CDON: variants seen among roughly 807,000 people sequenced by gnomAD.
The protein encoded by CDON is cell adhesion associated, oncogene regulated.
Under a neutral mutation model 120.9 loss-of-function variants are expected in CDON, and 73 were observed. The observed-to-expected ratio is 0.60, with a 90% confidence interval of 0.50 to 0.73. The LOEUF is 0.73. Ranked by LOEUF, CDON falls within the 30% of genes least tolerant of loss-of-function variation. The pLI, the probability that CDON is intolerant of heterozygous loss-of-function variation, is 0.00. For synonymous variants in CDON, 566 were observed against 573.5 expected, an observed-to-expected ratio of 0.99 and a Z score of 0.19; for missense variants, 1,470 against 1,587.3, an observed-to-expected ratio of 0.93 and a Z score of 1.26.
chr11:125,984,956 G>A (rs1222748534), intron 15 of CDON, among the ~76,000 whole-genome samples: 1 of 152,038 alleles, frequency 6.6e-6, no homozygotes, highest in African/African-American at 2.4e-5. Context: ...CCGGTTCATC[G>A]GTGTTCTGGG....
chr11:126,029,250 G>A (rs1435677092), intron 1 of CDON, among the ~76,000 whole-genome samples: 1 of 152,168 alleles, frequency 6.6e-6, no homozygotes, highest in African/African-American at 2.4e-5. Flanking sequence ...ACTGGAAAAA[G>A]AATGTAAGGC....
At chr11:126,049,573 T>C (rs1055526737) in intron 1 of CDON, among the ~76,000 whole-genome samples, 2 of 151,946 alleles carry the variant, frequency 1.3e-5, no homozygotes, top group Non-Finnish European at 2.9e-5. Context: ...ATTAAACAGT[T>C]AATAATTATT....
intron 4 of CDON, among the ~76,000 whole-genome samples, chr11:126,019,130 T>C (rs1258812720): frequency 6.6e-6 from 1 of 151,936 alleles, no homozygotes; most frequent in Non-Finnish European, 1.5e-5. Context: ...CACAAATACA[T>C]ATTAAGGGGC....
chr11:126,032,217 CT>C (rs1947962637), intron 1 of CDON, among the ~76,000 whole-genome samples: 3 of 152,088 alleles, frequency 2.0e-5, no homozygotes, highest in African/African-American at 7.2e-5. Context: ...CTCACTTAAC[CT>C]AGATTTGTAC....
At chr11:125,977,159 T>C (rs892299361) in intron 18 of CDON, among the ~76,000 whole-genome samples, 1 of 152,246 alleles carries the variant, frequency 6.6e-6, no homozygotes, top group Non-Finnish European at 1.5e-5. Context: ...TTCAATGTTA[T>C]GAACATTTGC....
At chr11:126,047,404 A>G (rs1685828443) in intron 1 of CDON, among the ~76,000 whole-genome samples, 1 of 152,202 alleles carries the variant, frequency 6.6e-6, no homozygotes, top group Non-Finnish European at 1.5e-5. Context: ...ACCCAAGCAC[A>G]TACAATCAAT....
In CDON at chr11:126,048,999, G is replaced by A. The variant is rs191517466; in HGVS notation, c.-62+13580C>T. Among the ~76,000 whole-genome samples, 615 of 152,244 alleles carry A rather than the reference G, an allele frequency of 4.0e-3. 5 individuals are homozygous for A. Among genetic ancestry groups the A allele is most frequent in the African/African-American group, 0.014 (594 of 41,544 alleles). ...ATTACAGGCGTGAGCCAACAGGCGT[G>A]AGCCAACAGGCGTGAGCCACCGCGC... On this transcript the variant is annotated intron_variant, in intron 1 of 19. Coordinates refer to ENST00000531738, the MANE Select transcript of CDON (RefSeq NM_001378964.1).
At chr11:126,015,540 A>T in intron 6 of CDON, 30 bp from the exon 7 acceptor site, 1 of 1,609,924 alleles carries the variant, frequency 6.2e-7, no homozygotes, top group Non-Finnish European at 8.5e-7. Context: ...ATTAAACTCT[A>T]GCCCTCAAAA....
Position 125,984,018 on chromosome 11 carries a change from C to A in CDON, c.2849G>T (p.Gly950Val). 1 of 1,614,074 alleles carries A rather than the reference C, an allele frequency of 6.2e-7. No homozygotes were observed. The highest frequency in any genetic ancestry group is 8.5e-7 in the Non-Finnish European group (1 of 1,179,982). ...STPPNSLGSG[G>V]NVGPATSPAR... is the part of the protein sequence containing the mutation. ...AGGGCTGGTTGCAGGCCCCACATTT[C>A]CTCCACTTCCCAAAGAATTTGGAGG... Residue 950 changes from glycine to valine, a missense_variant, in exon 16 of 20, where the codon GGA (glycine) becomes GTA (valine). By Grantham distance (109) the Gly-to-Val change is moderately radical. Transcript: ENST00000531738.
At chr11:125,973,387 C>T (rs1378731601) in intron 18 of CDON, among the ~76,000 whole-genome samples, 1 of 152,130 alleles carries the variant, frequency 6.6e-6, no homozygotes, top group Non-Finnish European at 1.5e-5. Context: ...AAAAAATTAG[C>T]CGGGCGTGGT....
chr11:126,043,402 T>A lies in CDON; in HGVS notation c.-62+19177A>T, dbSNP rs754903249. ...CACTCCCACACTGTGGAGTGTACTT[T>A]CGTTTTCAGTAAATCCCTACTTTCG... On this transcript the variant is annotated intron_variant, in intron 1 of 19. Coordinates refer to ENST00000531738, the MANE Select transcript of CDON (RefSeq NM_001378964.1). Among the ~76,000 whole-genome samples, 41 of 152,120 alleles carry A rather than the reference T, an allele frequency of 2.7e-4. 1 individual carries two copies. The highest frequency in any genetic ancestry group is 4.7e-4 in the Non-Finnish European group (32 of 68,036).
intron 6 of CDON, among the ~76,000 whole-genome samples, 188 bp from the exon 7 acceptor site, chr11:126,015,698 A>G (rs571642192): frequency 1.9e-4 from 29 of 152,324 alleles, no homozygotes; most frequent in African/African-American, 6.7e-4. Flanking sequence ...AGGATAAACC[A>G]TATGTTGCTA....
At chr11:126,018,598 T>C in intron 4 of CDON, 125 bp from the exon 5 acceptor site, 1 of 819,568 alleles carries the variant, frequency 1.2e-6, no homozygotes, top group Non-Finnish European at 2.0e-6. Flanking sequence ...GATGGGGGTC[T>C]CATTCTGTCA....
At chr11:126,001,495 T>C (rs1403076869) in intron 11 of CDON, among the ~76,000 whole-genome samples, 1 of 144,338 alleles carries the variant, frequency 6.9e-6, no homozygotes, top group Non-Finnish European at 1.5e-5. Flanking sequence ...TCTAAAAACT[T>C]AGTACCAGAA....
chr11:125,981,580 A>G (rs1946302941), intron 16 of CDON, among the ~76,000 whole-genome samples: 1 of 152,234 alleles, frequency 6.6e-6, no homozygotes, highest in East Asian at 1.9e-4. Context: ...TGCTTTAATA[A>G]AGTTACTGCT....
intron 1 of CDON, among the ~76,000 whole-genome samples, chr11:126,041,401 G>A (rs1282102079): frequency 6.6e-6 from 1 of 152,056 alleles, no homozygotes; most frequent in Non-Finnish European, 1.5e-5. Flanking sequence ...CATTTAGGAT[G>A]CTCTAAGGAT....
intron 1 of CDON, among the ~76,000 whole-genome samples, chr11:126,036,617 T>C (rs567074122): frequency 2.4e-4 from 36 of 152,358 alleles, no homozygotes; most frequent in Admixed American, 4.6e-4. Context: ...GAAGGACTTG[T>C]CATTGTGGAC....
At chr11:126,028,667 T>C (rs1429992088) in intron 1 of CDON, among the ~76,000 whole-genome samples, 1 of 152,008 alleles carries the variant, frequency 6.6e-6, no homozygotes, top group African/African-American at 2.4e-5. Flanking sequence ...CTGGCCCTTA[T>C]TAAAATTCTT....
At position 126,010,432 on chromosome 11, in the gene CDON, A is replaced by C; in HGVS notation, c.1461T>G (p.Ile487Met). The change falls in exon 8 of 20, where the codon ATT becomes ATG. Residue 487 changes from isoleucine to methionine, a missense_variant. Ile to Met is a conservative substitution (Grantham distance 10). Transcript: ENST00000531738. Reference protein sequence around the residue: ...LSQAGASSLHIQAVTQEHAGK... With the variant: ...LSQAGASSLHMQAVTQEHAGK... ...CCGCATGTTCCTGAGTCACAGCCTG[A>C]ATATGGAGAGAGCTTGCACCAGCTT... 1.9e-6 allele frequency: 3 copies of C among 1,614,130 alleles called. No homozygotes were observed. Among genetic ancestry groups the C allele is most frequent in the Admixed American group, 1.7e-5 (1 of 60,024 alleles).
Sources: gnomAD v4.1 joint callset for allele counts (sites outside exome capture counted in the v4.1 genomes callset) on GRCh38, gnomAD v4.1.1 for gene constraint, MANE v1.5 for transcripts, NCBI Gene and HGNC (gene_info 2026-07-23, HGNC 2026-07-21) for gene names.